The following SHC2 variants were observed in gnomAD, a reference collection of about 807,000 sequenced individuals.
The protein encoded by SHC2 is SHC-transforming protein 2.
SHC2 carries 62 observed loss-of-function variants against 60.6 expected under a neutral mutation model. The observed-to-expected ratio is 1.02, with a 90% confidence interval of 0.83 to 1.26. The LOEUF (loss-of-function observed/expected upper bound fraction) is 1.26. Among genes scored for constraint, SHC2 ranks in the 50% most tolerant of loss-of-function variants. SHC2 has a pLI of 0.00. For missense variants in SHC2, 873 were observed against 822.2 expected, an observed-to-expected ratio of 1.06 and a Z score of -0.76; for synonymous variants, 375 against 372.4, an observed-to-expected ratio of 1.01 and a Z score of -0.08.
At chr19:428,641 T>C (rs773780382) in intron 9 of SHC2, among the ~76,000 whole-genome samples, 4 of 152,208 alleles carry the variant, frequency 2.6e-5, no homozygotes, top group African/African-American at 7.2e-5. Flanking sequence ...TAACAGTGGC[T>C]GCCTGATCAG....
In SHC2 at chr19:438,619, C is replaced by T; in HGVS notation, c.720+99G>A. 7.3e-7 allele frequency: 1 copy of T among 1,370,140 alleles called. No homozygotes were observed. 84.9% of individuals were successfully genotyped at this position (1,370,140 alleles called of 1,614,324 possible). A position where few individuals can be genotyped will look rare whatever the true frequency, so the allele number is the denominator to read the frequency against. ...TCGGCTCGTCTTTCTGGATAAACGC[C>T]ACCTGCTGCCCGCCCCCAGCACCCC... On this transcript the variant is annotated intron_variant, in intron 4 of 12. Transcript: ENST00000264554. This position sits in a 1 kb window ranked among gnomAD's most constrained non-coding sequence, Gnocchi z 5.0.
At chr19:418,894 G>A in intron 12 of SHC2, 29 bp downstream of exon 12, 1 of 1,570,474 alleles carries the variant, frequency 6.4e-7, no homozygotes. Flanking sequence ...AGGAGGCAAG[G>A]CCAGCGACCC....
chr19:456,303 G>A (rs921841364), intron 1 of SHC2, among the ~76,000 whole-genome samples: 1 of 150,470 alleles, frequency 6.6e-6, no homozygotes, highest in African/African-American at 2.5e-5. Flanking sequence ...CGGGGCTCCT[G>A]GGGGACAGCG....
Position 430,679 on chromosome 19 carries a change from C to G in SHC2, c.1174+5G>C. 5.0e-6 allele frequency: 8 copies of G among 1,612,546 alleles called. No individual in the cohort carries two copies. The highest frequency in any genetic ancestry group is 6.8e-6 in the Non-Finnish European group (8 of 1,179,604). On this transcript the variant is annotated splice_donor_5th_base_variant and intron_variant, in intron 9 of 12. Transcript: ENST00000264554. ...GGTACCCCTTGCAGCCCCAGCCCAT[C>G]CTACCTGTACCGGTGGACCCCACGT...
At chr19:447,153 G>GAGC (rs1378993121) in intron 1 of SHC2, among the ~76,000 whole-genome samples, 4 of 152,238 alleles carry the variant, frequency 2.6e-5, no homozygotes, top group African/African-American at 9.6e-5. Flanking sequence ...ACGTGAAAAG[G>GAGC]AGCAAGTCTC....
chr19:418,756 T>C (rs1318398674), intron 12 of SHC2, among the ~76,000 whole-genome samples, 167 bp downstream of exon 12: 12 of 151,946 alleles, frequency 7.9e-5, no homozygotes. Context: ...GCTGACAGAA[T>C]GTTCTGGAAT....
At chr19:434,912 G>A in intron 7 of SHC2, 47 bp from the exon 8 acceptor site, 1 of 1,573,132 alleles carries the variant, frequency 6.4e-7, no homozygotes, top group African/African-American at 1.4e-5. Flanking sequence ...GGCCCAAGGG[G>A]GCTAAAGCCT....
Position 436,636 on chromosome 19 carries a change from T to A in SHC2, c.768A>T (p.Gly256=). ...CCCCCATCCCTGGCCTCACCGTGTC[T>A]CCGCCTGACGCGAAGGAGATGGACG... The part of the protein sequence containing the change: ...HMPSISFASG[G]DTDMTDYVAY... Residue 256 remains glycine (G), a synonymous_variant, in exon 5 of 13, where the codon GGA becomes GGT. Coordinates refer to ENST00000264554, the MANE Select transcript of SHC2 (RefSeq NM_012435.3). 1 of 1,606,168 alleles carries A rather than the reference T, an allele frequency of 6.2e-7. No individual in the cohort carries two copies. The highest frequency in any genetic ancestry group is 2.2e-5 in the East Asian group (1 of 44,772).
chr19:434,474 TCGTGAGTC>T (rs1163378354), intron 8 of SHC2, among the ~76,000 whole-genome samples: 70 of 4,302 alleles, frequency 0.016, no homozygotes, highest in Middle Eastern at 0.083. Flanking sequence ...GTGAGTGAGA[TCGTGAGTC>T]TGTGAGTGAG....
rs761851490 is a variant in SHC2 at position 422,421 on chromosome 19, A to G, written c.1345T>C (p.Ser449Pro). The G allele has an allele frequency of 6.3e-7, 1 of 1,587,534 alleles. No individual in the cohort carries two copies. Among genetic ancestry groups the G allele is most frequent in the South Asian group, 1.1e-5 (1 of 87,182 alleles). The change falls in exon 11 of 13, where the codon TCA (serine) becomes CCA (proline). Residue 449 changes from serine to proline, a missense_variant. Coordinates refer to ENST00000264554, the MANE Select transcript of SHC2 (RefSeq NM_012435.3). The surrounding 1 kb of genome is among the most constrained non-coding windows in gnomAD (Gnocchi z 5.0). The stretch of plus-strand genomic sequence containing the variant: ...GCTGCTGTCACGCCTGCCGCCACTG[A>G]GCACTCATGCAACTTCAGGGCATCC... ...FEDALKLHECSVAAGVTAAPL... is the reference protein window; with the variant it reads ...FEDALKLHECPVAAGVTAAPL...
rs111745998 is a variant in SHC2, at chr19:453,439, T to G, written c.468+7090A>C. 0.039 allele frequency among the ~76,000 whole-genome samples: 5,928 copies of G among 152,104 alleles called. 312 individuals are homozygous for G. Among genetic ancestry groups the G allele is most frequent in the African/African-American group, 0.12 (4,922 of 41,480 alleles). On this transcript the variant is annotated intron_variant, in intron 1 of 12. Transcript: ENST00000264554. This position sits in a 1 kb window ranked among gnomAD's most constrained non-coding sequence, Gnocchi z 6.3. Reference sequence around the variant, plus strand: ...TGTGCACCACCCTGCCTGGCTAATGTTTTTTCTTTTTTGGTAGAGACAGGG... The same window carrying G: ...TGTGCACCACCCTGCCTGGCTAATGGTTTTTCTTTTTTGGTAGAGACAGGG...
chr19:423,036 TG>T (rs1974322132), intron 10 of SHC2, among the ~76,000 whole-genome samples: 1 of 152,206 alleles, frequency 6.6e-6, no homozygotes, highest in African/African-American at 2.4e-5. Flanking sequence ...GTTCAGACCC[TG>T]CAGTGCTGGA....
chr19:430,554 A>G, intron 9 of SHC2, 130 bp downstream of exon 9: 2 of 707,416 alleles, frequency 2.8e-6, no homozygotes, highest in Non-Finnish European at 4.8e-6. Flanking sequence ...GAGTGTTAGG[A>G]GCAAGACGAT....
rs897250792 is a variant in SHC2, at chr19:439,653, G to A, written c.540-623C>T. Among the ~76,000 whole-genome samples the A allele has an allele frequency of 6.6e-5, 10 of 152,312 alleles. 1 individual carries two copies. In the South Asian group the frequency reaches 1.2e-3, roughly 19 times the overall value. On this transcript the variant is annotated intron_variant, in intron 2 of 12. Coordinates refer to ENST00000264554, the MANE Select transcript of SHC2 (RefSeq NM_012435.3). ...CACAGCACGGCCACTGTGGAAAACAGCCTGGGGGCTCCTCAAAAGGTTAAA... is the reference window on the plus strand; with the variant it reads ...CACAGCACGGCCACTGTGGAAAACAACCTGGGGGCTCCTCAAAAGGTTAAA...
Position 460,550 on chromosome 19 carries a change from G to C in SHC2, c.447C>G (p.Pro149=). 1 of 1,408,414 alleles carries C rather than the reference G, an allele frequency of 7.1e-7. No individual in the cohort carries two copies. Among genetic ancestry groups the C allele is most frequent in the Non-Finnish European group, 9.3e-7 (1 of 1,075,812 alleles). 87.2% of individuals were successfully genotyped at this position (1,408,414 alleles called of 1,614,324 possible). ...TCACCCGCACGACGTAGGAGACCCC[G>C]GGCCCCAGGACCCTGGCGTCGGGGT... ...WLHPDARVLG[P]GVSYVVRYMG... Residue 149 remains proline, a synonymous_variant, in exon 1 of 13, where the codon CCC becomes CCG. Coordinates refer to ENST00000264554, the MANE Select transcript of SHC2 (RefSeq NM_012435.3).
chr19:428,861 C>T (rs1974487759), intron 9 of SHC2, among the ~76,000 whole-genome samples: 1 of 151,928 alleles, frequency 6.6e-6, no homozygotes, highest in East Asian at 1.9e-4. Flanking sequence ...CTATACCCAA[C>T]ATGCACAGAA....
In SHC2 at chr19:439,001, A is replaced by G; in HGVS notation, c.569T>C (p.Val190Ala). 6.3e-7 allele frequency: 1 copy of G among 1,598,324 alleles called. No individual in the cohort carries two copies. The highest frequency in any genetic ancestry group is 8.5e-7 in the Non-Finnish European group (1 of 1,173,336). Residue 190 changes from valine (V) to alanine (A), a missense_variant, in exon 3 of 13, where the codon GTG (valine) becomes GCG (alanine). By Grantham distance (64) the Val-to-Ala change is moderately conservative. Coordinates refer to ENST00000264554, the MANE Select transcript of SHC2 (RefSeq NM_012435.3). ...CTTCCAGGATCCCCGGACGCCAGGC[A>G]CGGCCTCATGGAGCCGGTTGATGGC... ...REAINRLHEA[V>A]PGVRGSWKKK...
chr19:457,136 C>A (rs141569266), intron 1 of SHC2, among the ~76,000 whole-genome samples: 23 of 114,148 alleles, frequency 2.0e-4, no homozygotes, highest in Middle Eastern at 6.0e-3. Context: ...GACTAGAACT[C>A]TGTCTGCAAA....
intron 11 of SHC2, among the ~76,000 whole-genome samples, chr19:421,942 C>T (rs185588594): frequency 1.8e-4 from 27 of 152,328 alleles, no homozygotes; most frequent in African/African-American, 5.3e-4. Flanking sequence ...TGTAATTCTA[C>T]AGTAGCTGGT....
Sources: allele counts gnomAD v4.1 joint callset (sites outside exome capture counted in the v4.1 genomes callset), GRCh38; gene constraint gnomAD v4.1.1; non-coding constraint Gnocchi (gnomAD v3.1); transcripts MANE v1.5; gene names NCBI Gene and HGNC (gene_info 2026-07-23, HGNC 2026-07-21).